PCDHGB1: variants seen among roughly 807,000 people sequenced by gnomAD.
The protein encoded by PCDHGB1 is protocadherin gamma-B1.
Under a neutral mutation model 56.6 loss-of-function variants are expected in PCDHGB1, and 34 were observed. The ratio of observed to expected loss-of-function variants is 0.60; its 90% confidence interval spans 0.46 to 0.80. The LOEUF is 0.80. Ranked by LOEUF, PCDHGB1 falls within the 30% of genes least tolerant of loss-of-function variation. The probability of loss-of-function intolerance (pLI) is 0.00; values close to 1 mark genes in which losing one functional copy is unlikely to be tolerated. For synonymous variants in PCDHGB1, 561 were observed against 505.9 expected, an observed-to-expected ratio of 1.11 and a Z score of -1.46; for missense variants, 1,278 against 1,204.6, an observed-to-expected ratio of 1.06 and a Z score of -0.90.
At chr5:141,359,586 A>G (rs1252102791) in intron 1 of PCDHGB1, among the ~76,000 whole-genome samples, 1 of 151,834 alleles carries the variant, frequency 6.6e-6, no homozygotes, top group Non-Finnish European at 1.5e-5. Context: ...AAGATATAAC[A>G]ACTAAAAAAG....
intron 1 of PCDHGB1, chr5:141,433,225 G>A: frequency 6.6e-7 from 1 of 1,517,048 alleles, no homozygotes; most frequent in Non-Finnish European, 9.0e-7. Flanking sequence ...TTTTTTAATT[G>A]CTCTGTCTCC....
At position 141,389,024 on chromosome 5, in the gene PCDHGB1, G is replaced by T. The variant is rs776063645; in HGVS notation, c.2409+36355G>T. On this transcript the variant is annotated intron_variant, in intron 1 of 3. Transcript: ENST00000523390. ...AGGATTCCAGACACAATGGAGAAGT[G>T]ACTTGTAAATTGGAAGGTGATGTTC... 4 of 1,613,948 alleles carry T rather than the reference G, an allele frequency of 2.5e-6. No homozygotes were observed. The South Asian group carries it at 4.4e-5, about 18-fold the overall frequency.
intron 1 of PCDHGB1, among the ~76,000 whole-genome samples, chr5:141,469,120 T>C (rs188113354): frequency 6.6e-6 from 1 of 151,574 alleles, no homozygotes; most frequent in East Asian, 1.9e-4. Context: ...CTAAAAAAAT[T>C]TAAAAATTAG....
At chr5:141,467,920 A>G (rs1244280087) in intron 1 of PCDHGB1, among the ~76,000 whole-genome samples, 1 of 152,124 alleles carries the variant, frequency 6.6e-6, no homozygotes, top group Non-Finnish European at 1.5e-5. Flanking sequence ...CAGCCTCCCA[A>G]AATGCTAGGA....
intron 1 of PCDHGB1, chr5:141,403,041 A>T: frequency 6.2e-7 from 1 of 1,614,084 alleles, no homozygotes; most frequent in Non-Finnish European, 8.5e-7. Flanking sequence ...AGGGCCAGTC[A>T]GATTCGCTAC....
intron 1 of PCDHGB1, chr5:141,376,291 C>A (rs780024608): frequency 6.2e-7 from 1 of 1,614,158 alleles, no homozygotes; most frequent in South Asian, 1.1e-5. Flanking sequence ...CGAGCATGCC[C>A]GGCTCGCACT....
chr5:141,428,081 C>T (rs768842388), intron 1 of PCDHGB1: 2 of 1,609,218 alleles, frequency 1.2e-6, no homozygotes, highest in Non-Finnish European at 1.7e-6. Context: ...CGGGACACAA[C>T]GCTTGGCTGT....
intron 1 of PCDHGB1, chr5:141,419,183 A>G (rs1453963573): frequency 1.9e-6 from 3 of 1,613,958 alleles, no homozygotes; most frequent in Non-Finnish European, 1.7e-6. Context: ...AACCCTGCAC[A>G]TTACTGACGT....
Position 141,487,904 on chromosome 5 carries a change from G to A in PCDHGB1, c.2410-6903G>A, listed in dbSNP as rs1229814755. On this transcript the variant is annotated intron_variant, in intron 1 of 3. Coordinates refer to ENST00000523390, the MANE Select transcript of PCDHGB1 (RefSeq NM_018922.3). The surrounding 1 kb of genome is among the most constrained non-coding windows in gnomAD (Gnocchi z 5.0). ...TGTGGAAGCATGATGATGGAATGTG[G>A]GAGCACAGGAGGCTACAGTGCACAG... 8.8e-6 allele frequency: 6 copies of A among 685,686 alleles called. No individual in the cohort carries two copies. The highest frequency in any genetic ancestry group is 1.5e-5 in the Non-Finnish European group (6 of 410,118). 42.5% of individuals were successfully genotyped at this position (685,686 alleles called of 1,614,324 possible). A position where few individuals can be genotyped will look rare whatever the true frequency, so the allele number is the denominator to read the frequency against.
chr5:141,391,000 T>C (rs2092286539), intron 1 of PCDHGB1: 1 of 152,230 alleles, frequency 6.6e-6, no homozygotes, highest in Admixed American at 6.5e-5. Flanking sequence ...TTCAAGCTCA[T>C]TCTATATCCT....
intron 1 of PCDHGB1, chr5:141,366,144 C>A: frequency 6.2e-7 from 1 of 1,614,182 alleles, no homozygotes; most frequent in South Asian, 1.1e-5. Flanking sequence ...GCCTGGCTGT[C>A]CTACCGCCTG....
intron 1 of PCDHGB1, chr5:141,371,030 C>T (rs62378420): frequency 0.034 from 55,625 of 1,613,990 alleles, 1,067 homozygotes; most frequent in Middle Eastern, 0.098. Flanking sequence ...ACCTGGTCCT[C>T]ACAGCTGTGG....
In PCDHGB1 at chr5:141,361,196, C is replaced by T. The variant is rs1018062167; in HGVS notation, c.2409+8527C>T. ...GAAGTTATTGTGACTTCAGTATCTA[C>T]TCCCCTACCGGAGGATTCGCCACCA... On this transcript the variant is annotated intron_variant, in intron 1 of 3. Transcript: ENST00000523390. 2 of 1,613,842 alleles carry T rather than the reference C, an allele frequency of 1.2e-6. No individual in the cohort carries two copies. The highest frequency in any genetic ancestry group is 1.3e-5 in the African/African-American group (1 of 74,918).
chr5:141,350,689 C>T lies in PCDHGB1; in HGVS notation c.429C>T (p.Ala143=), dbSNP rs772075731. Residue 143 remains alanine, a synonymous_variant, in exon 1 of 4, where the codon GCC becomes GCT. Coordinates refer to ENST00000523390, the MANE Select transcript of PCDHGB1 (RefSeq NM_018922.3). The part of the protein sequence containing the change: ...KGIDLEICES[A]LPGVKFSLDS... ...TTGACTTAGAAATTTGTGAGTCAGCCTTACCCGGGGTAAAATTCTCTCTGG... is the reference window on the plus strand; with the variant it reads ...TTGACTTAGAAATTTGTGAGTCAGCTTTACCCGGGGTAAAATTCTCTCTGG... The T allele has an allele frequency of 6.2e-7, 1 of 1,613,978 alleles. No individual in the cohort carries two copies. Among genetic ancestry groups the T allele is most frequent in the South Asian group, 1.1e-5 (1 of 91,092 alleles).
At chr5:141,484,437 T>C (rs2099596528) in intron 1 of PCDHGB1, among the ~76,000 whole-genome samples, 1 of 152,232 alleles carries the variant, frequency 6.6e-6, no homozygotes, top group African/African-American at 2.4e-5. Context: ...ATGTACTGCA[T>C]AAATTTAATT....
At chr5:141,474,803 T>C (rs1383027398) in intron 1 of PCDHGB1, among the ~76,000 whole-genome samples, 1 of 152,250 alleles carries the variant, frequency 6.6e-6, no homozygotes, top group Non-Finnish European at 1.5e-5. Context: ...ATGGAGTGGT[T>C]TGCATCATTA....
intron 1 of PCDHGB1, chr5:141,355,419 GCTTTT>G: frequency 6.2e-7 from 1 of 1,614,042 alleles, no homozygotes; most frequent in Non-Finnish European, 8.5e-7. Flanking sequence ...GTAGGACGCA[GCTTTT>G]CGCCCTGAAC....
In PCDHGB1 at chr5:141,352,314, A is replaced by G. The variant is rs1758977445; in HGVS notation, c.2054A>G (p.Gln685Arg). The G allele has an allele frequency of 2.5e-6, 4 of 1,613,920 alleles. No homozygotes were observed. The highest frequency in any genetic ancestry group is 3.4e-6 in the Non-Finnish European group (4 of 1,179,896). The change falls in exon 1 of 4, where the codon CAG becomes CGG. Residue 685 changes from glutamine to arginine, a missense_variant. Coordinates refer to ENST00000523390, the MANE Select transcript of PCDHGB1 (RefSeq NM_018922.3). ...CCCTCTGACCCCCAGACGGAACTGCAGTTTTACCTGGTTGTGGCCTTGGCC... is the reference window on the plus strand; with the variant it reads ...CCCTCTGACCCCCAGACGGAACTGCGGTTTTACCTGGTTGTGGCCTTGGCC... ...PEPSDPQTELQFYLVVALALI... is the reference protein window; with the variant it reads ...PEPSDPQTELRFYLVVALALI...
intron 1 of PCDHGB1, chr5:141,427,798 T>C: frequency 6.6e-7 from 1 of 1,506,550 alleles, no homozygotes; most frequent in South Asian, 1.1e-5. Flanking sequence ...TACGTGTCCG[T>C]GAGCGCACAG....
Sources: gnomAD v4.1 joint callset for allele counts (sites outside exome capture counted in the v4.1 genomes callset) on GRCh38, gnomAD v4.1.1 for gene constraint, Gnocchi (gnomAD v3.1) non-coding constraint, MANE v1.5 for transcripts, NCBI Gene and HGNC (gene_info 2026-07-23, HGNC 2026-07-21) for gene names.